The following PLIN5 variants were observed in gnomAD, a reference collection of about 807,000 sequenced individuals.
PLIN5 encodes the protein perilipin 5, also known as perilipin-5.
PLIN5 carries 34 observed loss-of-function variants against 32.8 expected under a neutral mutation model. The observed-to-expected ratio is 1.04, with a 90% CI of 0.79 to 1.38. The LOEUF is 1.38. Among genes scored for constraint, PLIN5 ranks in the 40% most tolerant of loss-of-function variants. The pLI is 0.00. For missense variants in PLIN5, 712 were observed against 660.5 expected, an observed-to-expected ratio of 1.08 and a Z score of -0.85; for synonymous variants, 309 against 292.9, an observed-to-expected ratio of 1.05 and a Z score of -0.56.
chr19:4,525,127 G>GGGGGTC lies in PLIN5; in HGVS notation c.721-57_721-52dup. ...CAGAGCTGGGGGAGCTGGGGGAGCTGGGGGTCGGGGTGGGGTCCAGGACCA... is the reference window on the plus strand; with the variant it reads ...CAGAGCTGGGGGAGCTGGGGGAGCTGGGGGTCGGGGTCGGGGTGGGGTCCAGGACCA... On this transcript the variant is annotated intron_variant, in intron 6 of 7. Coordinates refer to ENST00000381848, the MANE Select transcript of PLIN5 (RefSeq NM_001013706.3). This position sits in a 1 kb window ranked among gnomAD's most constrained non-coding sequence, Gnocchi z 5.6. 9.2e-7 allele frequency: 1 copy of GGGGGTC among 1,082,330 alleles called. No homozygotes were observed. The highest frequency in any genetic ancestry group is 1.3e-6 in the Non-Finnish European group (1 of 793,278). 67.0% of individuals were successfully genotyped at this position (1,082,330 alleles called of 1,614,324 possible).
chr19:4,527,595 G>T (rs990469543), intron 5 of PLIN5, among the ~76,000 whole-genome samples: 12 of 137,378 alleles, frequency 8.7e-5, no homozygotes, highest in Admixed American at 6.2e-4. Context: ...GTGGACTCAC[G>T]CTTGTAATCC....
chr19:4,531,548 T>A, intron 3 of PLIN5, 79 bp downstream of exon 3: 4 of 1,374,944 alleles, frequency 2.9e-6, no homozygotes, highest in Non-Finnish European at 3.8e-6. Context: ...GTCATGCAGA[T>A]AGACCAAGGA....
rs758756670 is a variant in PLIN5 at position 4,525,848 on chromosome 19, C to T, written c.521-16G>A. 3.9e-6 allele frequency: 6 copies of T among 1,557,946 alleles called. No homozygotes were observed. Among genetic ancestry groups the T allele is most frequent in the East Asian group, 2.3e-5 (1 of 43,184 alleles). On this transcript the variant is annotated splice_polypyrimidine_tract_variant and intron_variant, in intron 5 of 7. Transcript: ENST00000381848. This position sits in a 1 kb window ranked among gnomAD's most constrained non-coding sequence, Gnocchi z 5.6. ...GCCAGTGCCGCTGGAGGACAGGATA[C>T]GGGGACAGCACGGGGACAGGATACG...
In PLIN5 at chr19:4,523,196, A is replaced by G; in HGVS notation, c.*332T>C. On this transcript the variant is annotated 3_prime_UTR_variant, in exon 8 of 8. Transcript: ENST00000381848. This position sits in a 1 kb window ranked among gnomAD's most constrained non-coding sequence, Gnocchi z 5.0. The stretch of plus-strand genomic sequence containing the variant: ...TGCCTCAGACTCCCAAAGTGCTGGG[A>G]TTACAGGCGTGAGCCACTGTGCCCA... 4.4e-6 allele frequency: 1 copy of G among 227,148 alleles called. No homozygotes were observed. The highest frequency in any genetic ancestry group is 2.3e-5 in the African/African-American group (1 of 43,940). The allele number at this position is 227,148 out of a possible 1,614,324, so 14.1% of individuals were successfully genotyped here. A position where few individuals can be genotyped will look rare whatever the true frequency, so the allele number is the denominator to read the frequency against.
chr19:4,533,634 A>T, intron 2 of PLIN5: 1 of 406,970 alleles, frequency 2.5e-6, no homozygotes, highest in Admixed American at 4.0e-5. Flanking sequence ...GTGTTCAAGG[A>T]GCCAATATAC....
At chr19:4,530,668 G>A (rs1976872457) in intron 3 of PLIN5, among the ~76,000 whole-genome samples, 1 of 152,044 alleles carries the variant, frequency 6.6e-6, no homozygotes, top group Non-Finnish European at 1.5e-5. Context: ...AGGGCCAGGG[G>A]ATCAGATTTA....
At chr19:4,529,289 G>T (rs1268584806) in intron 4 of PLIN5, 36 bp from the exon 5 acceptor site, 6 of 1,553,838 alleles carry the variant, frequency 3.9e-6, no homozygotes. Context: ...AGGCACCGTG[G>T]GACTCCAGCT....
chr19:4,529,267 C>G lies in PLIN5; in HGVS notation c.340-14G>C, dbSNP rs544077717. 19 of 1,581,862 alleles carry G rather than the reference C, an allele frequency of 1.2e-5. No homozygotes were observed. Among genetic ancestry groups the G allele is most frequent in the African/African-American group, 2.7e-5 (2 of 73,944 alleles). The stretch of plus-strand genomic sequence containing the variant: ...TGAGGTCACCACCTGGAAGGAAGGG[C>G]CCCCCCACTCCAGGCACCGTGGGAC... On this transcript the variant is annotated splice_polypyrimidine_tract_variant and intron_variant, in intron 4 of 7. Coordinates refer to ENST00000381848, the MANE Select transcript of PLIN5 (RefSeq NM_001013706.3).
At chr19:4,527,485 G>C (rs530199114) in intron 5 of PLIN5, among the ~76,000 whole-genome samples, 1 of 129,836 alleles carries the variant, frequency 7.7e-6, no homozygotes, top group African/African-American at 2.9e-5. Flanking sequence ...GCTGCAGTGA[G>C]CCAAGATCAT....
At chr19:4,531,578 G>A (rs1432654173) in intron 3 of PLIN5, 49 bp downstream of exon 3, 3 of 1,443,402 alleles carry the variant, frequency 2.1e-6, no homozygotes, top group Admixed American at 2.3e-5. Context: ...AGGGGGCGGT[G>A]GGGGGGTGGC....
Position 4,523,305 on chromosome 19 carries a change from C to G in PLIN5, c.*223G>C, listed in dbSNP as rs1012736570. 4.1e-6 allele frequency: 2 copies of G among 485,170 alleles called. No homozygotes were observed. Among genetic ancestry groups the G allele is most frequent in the Non-Finnish European group, 3.5e-6 (1 of 283,028 alleles). The allele number at this position is 485,170 out of a possible 1,614,324, so 30.1% of individuals were successfully genotyped here. A position where few individuals can be genotyped will look rare whatever the true frequency, so the allele number is the denominator to read the frequency against. On this transcript the variant is annotated 3_prime_UTR_variant, in exon 8 of 8. Coordinates refer to ENST00000381848, the MANE Select transcript of PLIN5 (RefSeq NM_001013706.3). This position sits in a 1 kb window ranked among gnomAD's most constrained non-coding sequence, Gnocchi z 5.0. ...AACCCAGCTTGTGGCTCAAGTTGGCCTGAATAGGGTTCGAGGCCCTGCTCC... is the reference window on the plus strand; with the variant it reads ...AACCCAGCTTGTGGCTCAAGTTGGCGTGAATAGGGTTCGAGGCCCTGCTCC...
chr19:4,525,759 A>C lies in PLIN5; in HGVS notation c.594T>G (p.Phe198Leu). 1 of 1,613,598 alleles carries C rather than the reference A, an allele frequency of 6.2e-7. No individual in the cohort carries two copies. The highest frequency in any genetic ancestry group is 8.5e-7 in the Non-Finnish European group (1 of 1,180,026). The change falls in exon 6 of 8, where the codon TTT (phenylalanine) becomes TTG (leucine). Residue 198 changes from phenylalanine (F) to leucine (L), a missense_variant. By Grantham distance (22) the Phe-to-Leu change is conservative. Transcript: ENST00000381848. The surrounding 1 kb of genome is among the most constrained non-coding windows in gnomAD (Gnocchi z 5.6). ...VEDQRRQQGY[F>L]VRLGSLSARI... ...GTGCTGACAGGGAGCCGAGGCGCAC[A>C]AAGTAGCCCTGCTGTCTCCTCTGAT...
rs1473762221 is a variant in PLIN5, at chr19:4,535,159, A to C, written c.-22+6T>G. ...CGCTCCCGGACGCCGCCCTCAGGGC[A>C]CTCACCTGGGCGCGAGCGGCTTCAG... On this transcript the variant is annotated splice_donor_region_variant and intron_variant, in intron 1 of 7. Transcript: ENST00000381848. 1 of 150,538 alleles carries C rather than the reference A, an allele frequency of 6.6e-6. No homozygotes were observed. Among genetic ancestry groups the C allele is most frequent in the Non-Finnish European group, 1.5e-5 (1 of 67,648 alleles). 9.3% of individuals were successfully genotyped at this position (150,538 alleles called of 1,614,324 possible).
chr19:4,534,224 C>T lies in PLIN5; in HGVS notation c.-21-129G>A. The T allele has an allele frequency of 4.1e-6, 3 of 725,124 alleles. No homozygotes were observed. In the South Asian group the frequency reaches 5.1e-5, roughly 12 times the overall value. The allele number at this position is 725,124 out of a possible 1,614,324, so 44.9% of individuals were successfully genotyped here. ...TTCTTCATCTGCATAATGGGGCATT[C>T]TGTGGAGCTCAGACAATGCATGTCC... On this transcript the variant is annotated intron_variant, in intron 1 of 7. Transcript: ENST00000381848.
At chr19:4,529,923 G>A (rs1221381519) in intron 3 of PLIN5, 57 bp from the exon 4 acceptor site, 27 of 1,137,664 alleles carry the variant, frequency 2.4e-5, no homozygotes, top group Admixed American at 1.6e-4. Context: ...AGATAGGGAC[G>A]CAGTGAGAGT....
intron 3 of PLIN5, among the ~76,000 whole-genome samples, 190 bp downstream of exon 3, chr19:4,531,437 C>T (rs952064250): frequency 3.9e-5 from 6 of 152,192 alleles, no homozygotes; most frequent in Non-Finnish European, 8.8e-5. Flanking sequence ...GCCACCATGC[C>T]TGGCTGGTGA....
chr19:4,532,184 G>C (rs563439548), intron 2 of PLIN5, among the ~76,000 whole-genome samples: 3 of 151,390 alleles, frequency 2.0e-5, no homozygotes, highest in African/African-American at 7.3e-5. Context: ...ACAGGTGCCC[G>C]CCACCACACC....
intron 3 of PLIN5, among the ~76,000 whole-genome samples, chr19:4,530,414 G>T (rs1193757768): frequency 2.0e-5 from 3 of 152,200 alleles, no homozygotes; most frequent in Non-Finnish European, 4.4e-5. Context: ...CTCTTCCTGG[G>T]TCAGACTAGA....
In PLIN5 at chr19:4,523,605, C is replaced by T. The variant is rs372681667; in HGVS notation, c.1315G>A (p.Gly439Arg). Residue 439 changes from glycine to arginine, a missense_variant, in exon 8 of 8, where the codon GGG becomes AGG. Transcript: ENST00000381848. The surrounding 1 kb of genome is among the most constrained non-coding windows in gnomAD (Gnocchi z 5.0). ...TCGGGTTCCTGCTCGCAGATGTCCC[C>T]GGCAACACCCATCCTGTCCCCATCC... is the stretch of plus-strand genomic sequence containing the variant. ...NGDGDRMGVA[G>R]DICEQEPETP... is the part of the protein sequence containing the mutation. 90 of 1,608,156 alleles carry T rather than the reference C, an allele frequency of 5.6e-5. No homozygotes were observed. In the East Asian group the frequency reaches 8.5e-4, roughly 15 times the overall value.
Sources: gnomAD v4.1 joint callset for allele counts (sites outside exome capture counted in the v4.1 genomes callset) on GRCh38, gnomAD v4.1.1 for gene constraint, Gnocchi (gnomAD v3.1) non-coding constraint, MANE v1.5 for transcripts, NCBI Gene and HGNC (gene_info 2026-07-23, HGNC 2026-07-21) for gene names.